The following FMN1 variants were observed in gnomAD, a reference collection of about 807,000 sequenced individuals.
The protein encoded by FMN1 is formin 1, also known as formin-1.
A neutral mutation model predicts 132.4 loss-of-function variants in FMN1; 110 were observed. The ratio of observed to expected loss-of-function variants is 0.83; its 90% confidence interval spans 0.71 to 0.97. FMN1 has a LOEUF of 0.97. FMN1 is among the 50% of genes least tolerant of loss of function. The pLI is 0.00. For missense variants in FMN1, 1,792 were observed against 1,705.3 expected, an observed-to-expected ratio of 1.05 and a Z score of -0.90; for synonymous variants, 722 against 651.7, an observed-to-expected ratio of 1.11 and a Z score of -1.64.
At chr15:32,890,330 T>C (rs965431491) in intron 15 of FMN1, among the ~76,000 whole-genome samples, 1 of 152,226 alleles carries the variant, frequency 6.6e-6, no homozygotes, top group Non-Finnish European at 1.5e-5. Flanking sequence ...TACTTTCAGT[T>C]CTTTAAGGAG....
chr15:32,797,355 C>T (rs377057786), intron 19 of FMN1, among the ~76,000 whole-genome samples: 10 of 152,144 alleles, frequency 6.6e-5, no homozygotes, highest in African/African-American at 2.4e-4. Flanking sequence ...CTGTACATTC[C>T]AGGCCCACTG....
chr15:33,097,714 T>C (rs542282601), intron 4 of FMN1, among the ~76,000 whole-genome samples: 4 of 152,318 alleles, frequency 2.6e-5, no homozygotes, highest in Admixed American at 1.3e-4. Flanking sequence ...ATAACATGCC[T>C]ACATTTTCAT....
intron 10 of FMN1, among the ~76,000 whole-genome samples, chr15:32,924,304 A>AT (rs1477417657): frequency 1.3e-5 from 2 of 152,242 alleles, no homozygotes; most frequent in Admixed American, 6.5e-5. Context: ...GCTTATCTGA[A>AT]TGCTCTGTGA....
rs567700796 is a variant in FMN1 at position 32,978,402 on chromosome 15, TC to T, written c.2224-8926del. 1.2e-4 allele frequency among the ~76,000 whole-genome samples: 19 copies of T among 152,260 alleles called. No individual in the cohort carries two copies. In the South Asian group the frequency reaches 3.7e-3, roughly 30 times the overall value. On this transcript the variant is annotated intron_variant, in intron 7 of 20. Coordinates refer to ENST00000616417, the MANE Select transcript of FMN1 (RefSeq NM_001277313.2). ...ATATTTTATTTCTAAATTATTAATA[TC>T]CAAAATATAAGTCACAAAATGGATA...
At chr15:33,037,141 TAACAG>T (rs1416938818) in intron 6 of FMN1, among the ~76,000 whole-genome samples, 3 of 152,192 alleles carry the variant, frequency 2.0e-5, no homozygotes, top group African/African-American at 7.2e-5. Flanking sequence ...TAAAATAAAT[TAACAG>T]AACTCACAGT....
chr15:32,826,045 G>A (rs2058356556), intron 17 of FMN1, among the ~76,000 whole-genome samples: 2 of 152,192 alleles, frequency 1.3e-5, no homozygotes, highest in South Asian at 4.1e-4. Flanking sequence ...AAGGCTGTTT[G>A]GATAACAAAA....
intron 13 of FMN1, among the ~76,000 whole-genome samples, chr15:32,901,364 G>A (rs538196481): frequency 5.3e-5 from 8 of 152,244 alleles, no homozygotes; most frequent in Admixed American, 2.0e-4. Flanking sequence ...GAAGAATAAC[G>A]TGTCCTTAAG....
In FMN1 at chr15:32,848,977, G is replaced by GTTTTTTTTTTTTTTT. The variant is rs71113479; in HGVS notation, c.3928+8023_3928+8037dup. ...ATCAGTCTTGGGTTAGTTCTCTTTT[G>GTTTTTTTTTTTTTTT]TTTTTTTTTTTTTTTTTTTTTTCAG... On this transcript the variant is annotated intron_variant, in intron 17 of 20. Transcript: ENST00000616417. Among the ~76,000 whole-genome samples the GTTTTTTTTTTTTTTT allele has an allele frequency of 2.2e-4, 20 of 89,542 alleles. 1 individual carries two copies. Among genetic ancestry groups the GTTTTTTTTTTTTTTT allele is most frequent in the South Asian group, 4.9e-4 (1 of 2,056 alleles). 58.7% of individuals were successfully genotyped at this position (89,542 alleles called of 152,430 possible). A position where few individuals can be genotyped will look rare whatever the true frequency, so the allele number is the denominator to read the frequency against.
intron 4 of FMN1, among the ~76,000 whole-genome samples, chr15:33,112,490 T>G (rs1595497616): frequency 6.6e-6 from 1 of 152,112 alleles, no homozygotes; most frequent in Admixed American, 6.5e-5. Context: ...TGCAATGAAA[T>G]TAAAAGGTTC....
chr15:33,098,708 G>A (rs2039178878), intron 4 of FMN1, among the ~76,000 whole-genome samples: 1 of 152,214 alleles, frequency 6.6e-6, no homozygotes, highest in Admixed American at 6.5e-5. Flanking sequence ...ACAGGAGGAT[G>A]AGGTTGTGTC....
intron 7 of FMN1, among the ~76,000 whole-genome samples, chr15:32,980,320 A>C (rs967696330): frequency 9.3e-5 from 14 of 151,026 alleles, no homozygotes; most frequent in Non-Finnish European, 1.3e-4. Flanking sequence ...AAAAAAAAAA[A>C]CAAAAACCTA....
chr15:33,059,361 T>C (rs1595374957), intron 6 of FMN1, among the ~76,000 whole-genome samples: 4 of 152,204 alleles, frequency 2.6e-5, no homozygotes, highest in Admixed American at 2.6e-4. Context: ...AACATGGGAG[T>C]GCAGTTCTAT....
At chr15:33,047,219 A>G (rs762362734) in intron 6 of FMN1, among the ~76,000 whole-genome samples, 7 of 152,048 alleles carry the variant, frequency 4.6e-5, no homozygotes, top group Admixed American at 6.5e-5. Flanking sequence ...TTCCCTTCTT[A>G]TATCTTCCTT....
intron 8 of FMN1, among the ~76,000 whole-genome samples, chr15:32,967,265 C>T (rs745790443): frequency 1.1e-4 from 17 of 152,288 alleles, no homozygotes; most frequent in Non-Finnish European, 1.6e-4. Flanking sequence ...CAGTGGGACT[C>T]TTTGATGGCT....
chr15:33,010,649 T>C (rs189382709), intron 6 of FMN1, among the ~76,000 whole-genome samples: 12 of 152,238 alleles, frequency 7.9e-5, no homozygotes, highest in African/African-American at 2.9e-4. Flanking sequence ...AAGGAAGGTA[T>C]TATTCTCTAT....
At chr15:33,069,366 G>A (rs2037893538) in intron 5 of FMN1, among the ~76,000 whole-genome samples, 1 of 152,178 alleles carries the variant, frequency 6.6e-6, no homozygotes. Context: ...TGCCTGGGAT[G>A]GACAGGACAC....
At chr15:33,179,162 G>A (rs1459931955) in intron 3 of FMN1, among the ~76,000 whole-genome samples, 1 of 151,806 alleles carries the variant, frequency 6.6e-6, no homozygotes, top group Non-Finnish European at 1.5e-5. Flanking sequence ...ATCAAGGAGA[G>A]AAAAATATGA....
intron 6 of FMN1, among the ~76,000 whole-genome samples, chr15:33,017,914 A>C (rs1396838456): frequency 6.6e-6 from 1 of 151,944 alleles, no homozygotes; most frequent in East Asian, 1.9e-4. Context: ...AAAATACAAA[A>C]ATTTGCTGGG....
intron 12 of FMN1, 52 bp from the exon 13 acceptor site, chr15:32,902,092 TAAAAAGACAGCTG>T (rs1312055274): frequency 6.5e-7 from 1 of 1,527,254 alleles, no homozygotes; most frequent in Non-Finnish European, 8.9e-7. Flanking sequence ...ACAAGGAAAA[TAAAAAGACAGCTG>T]AAAAAGACCC....
Sources: gnomAD v4.1 joint callset for allele counts (sites outside exome capture counted in the v4.1 genomes callset) on GRCh38, gnomAD v4.1.1 for gene constraint, MANE v1.5 for transcripts, NCBI Gene and HGNC (gene_info 2026-07-23, HGNC 2026-07-21) for gene names.